The following MAP4K4 variants were observed in gnomAD, a reference collection of about 807,000 sequenced individuals.
The protein encoded by MAP4K4 is HPK/GCK-like kinase HGK.
Under a neutral mutation model 189.6 loss-of-function variants are expected in MAP4K4, and 38 were observed. The observed-to-expected ratio is 0.20, with a 90% CI of 0.15 to 0.26. The LOEUF (loss-of-function observed/expected upper bound fraction) is 0.26. MAP4K4 is among the 10% of genes least tolerant of loss of function. MAP4K4 has a pLI of 1.00. For synonymous variants in MAP4K4, 610 were observed against 624.3 expected (o/e 0.98, Z 0.34); for missense variants, 1,054 against 1,726.9 (o/e 0.61, Z 6.91).
chr2:101,832,009 T>C (rs1432156782), intron 7 of MAP4K4, among the ~76,000 whole-genome samples, 158 bp downstream of exon 7: 2 of 152,216 alleles, frequency 1.3e-5, no homozygotes, highest in Non-Finnish European at 2.9e-5. Flanking sequence ...CAGGACAGTA[T>C]TCAGATGCTG....
intron 2 of MAP4K4, among the ~76,000 whole-genome samples, chr2:101,723,438 G>GA (rs903401173): frequency 1.3e-5 from 2 of 152,230 alleles, no homozygotes; most frequent in Non-Finnish European, 2.9e-5. Context: ...TGGATAAGCA[G>GA]AGACGGTAGA....
intron 2 of MAP4K4, among the ~76,000 whole-genome samples, chr2:101,710,769 A>C (rs1045277053): frequency 6.6e-6 from 1 of 152,256 alleles, no homozygotes; most frequent in Non-Finnish European, 1.5e-5. Context: ...TAGATGAGGC[A>C]TAGATATATG....
chr2:101,821,025 G>C (rs1479081761), intron 3 of MAP4K4, among the ~76,000 whole-genome samples: 2 of 152,020 alleles, frequency 1.3e-5, no homozygotes, highest in Non-Finnish European at 2.9e-5. Flanking sequence ...TCAAATAGAA[G>C]TGTTTTGTTT....
At chr2:101,857,091 A>G in intron 13 of MAP4K4, among the ~76,000 whole-genome samples, 1 of 152,226 alleles carries the variant, frequency 6.6e-6, no homozygotes, top group African/African-American at 2.4e-5. Context: ...GTCTGCAAAG[A>G]GGAAAACATT....
At chr2:101,710,690 A>G (rs2044945692) in intron 2 of MAP4K4, among the ~76,000 whole-genome samples, 1 of 152,202 alleles carries the variant, frequency 6.6e-6, no homozygotes, top group Admixed American at 6.5e-5. Flanking sequence ...CATGACAGCT[A>G]AGTTAGAGCT....
intron 2 of MAP4K4, among the ~76,000 whole-genome samples, chr2:101,700,283 A>T (rs562574986): frequency 6.6e-6 from 1 of 152,194 alleles, no homozygotes; most frequent in South Asian, 2.1e-4. Flanking sequence ...GTTCATTGTT[A>T]TTTCCCCTCA....
At chr2:101,759,091 T>C (rs1267377920) in intron 2 of MAP4K4, among the ~76,000 whole-genome samples, 3 of 148,988 alleles carry the variant, frequency 2.0e-5, no homozygotes, top group African/African-American at 7.5e-5. Flanking sequence ...CGAGATCGCG[T>C]CACTGCACTC....
rs777090551 is a variant in MAP4K4, at chr2:101,893,246, G to A, written c.*1997G>A. ...CAGACACAGCAGCTGGTGGTTTTGT[G>A]TATACCTGTAAAGACAAGCTGAGAA... On this transcript the variant is annotated 3_prime_UTR_variant, in exon 33 of 33. Coordinates refer to ENST00000324219, the Ensembl canonical transcript of MAP4K4. The A allele has an allele frequency of 2.1e-4, 97 of 456,306 alleles. 1 individual carries two copies. Among genetic ancestry groups the A allele is most frequent in the Admixed American group, 2.1e-4 (9 of 42,560 alleles). The allele number at this position is 456,306 out of a possible 1,614,324, so 28.3% of individuals were successfully genotyped here.
intron 27 of MAP4K4, among the ~76,000 whole-genome samples, chr2:101,880,084 A>C (rs971072491): frequency 2.6e-5 from 4 of 151,804 alleles, no homozygotes; most frequent in East Asian, 1.9e-4. Context: ...TGTATTTTGG[A>C]TCTAAGTTTC....
intron 24 of MAP4K4, among the ~76,000 whole-genome samples, chr2:101,872,870 T>G (rs1322668473): frequency 6.6e-6 from 1 of 152,220 alleles, no homozygotes; most frequent in Non-Finnish European, 1.5e-5. Context: ...TATATTTATA[T>G]TTTAAACTTT....
chr2:101,770,249 T>A (rs2080693985), intron 2 of MAP4K4, among the ~76,000 whole-genome samples: 1 of 142,374 alleles, frequency 7.0e-6, no homozygotes, highest in Admixed American at 7.0e-5. Flanking sequence ...GATTTTTTTT[T>A]TTTTTTTTTT....
At chr2:101,850,348 A>G (rs1410153585) in intron 12 of MAP4K4, among the ~76,000 whole-genome samples, 1 of 152,240 alleles carries the variant, frequency 6.6e-6, no homozygotes, top group East Asian at 1.9e-4. Context: ...TAACACTAGG[A>G]AAACATAAAA....
At chr2:101,789,887 T>C (rs184096047) in intron 2 of MAP4K4, among the ~76,000 whole-genome samples, 1 of 152,244 alleles carries the variant, frequency 6.6e-6, no homozygotes, top group East Asian at 1.9e-4. Context: ...CAAGTATGTC[T>C]GGTATCTAGT....
chr2:101,706,114 A>T (rs985541077), intron 2 of MAP4K4, among the ~76,000 whole-genome samples: 5 of 152,342 alleles, frequency 3.3e-5, no homozygotes, highest in African/African-American at 1.2e-4. Flanking sequence ...TAAAGCGCTC[A>T]TACCAAAAGT....
chr2:101,773,755 T>C (rs190287992), intron 2 of MAP4K4, among the ~76,000 whole-genome samples: 28 of 152,324 alleles, frequency 1.8e-4, no homozygotes, highest in Non-Finnish European at 3.4e-4. Context: ...CTTCCCAGCC[T>C]CTGGTAACCA....
At chr2:101,842,211 G>C (rs2096939539) in intron 10 of MAP4K4, among the ~76,000 whole-genome samples, 1 of 152,094 alleles carries the variant, frequency 6.6e-6, no homozygotes, top group African/African-American at 2.4e-5. Context: ...AAATTCTCTT[G>C]GTTGCCTTAG....
chr2:101,886,580 G>A (rs764586926), intron 29 of MAP4K4, among the ~76,000 whole-genome samples: 1 of 152,190 alleles, frequency 6.6e-6, no homozygotes, highest in African/African-American at 2.4e-5. Flanking sequence ...TGGAAAGGGA[G>A]ATTTGGAACA....
At chr2:101,808,305 G>A (rs971122983) in intron 3 of MAP4K4, among the ~76,000 whole-genome samples, 4 of 152,134 alleles carry the variant, frequency 2.6e-5, no homozygotes, top group Non-Finnish European at 4.4e-5. Flanking sequence ...GGGACCCTGC[G>A]TCTTCCTTAT....
At chr2:101,785,682 C>CTTTTCATTTT (rs1558913111) in intron 2 of MAP4K4, among the ~76,000 whole-genome samples, 1 of 1,054 alleles carries the variant, frequency 9.5e-4, no homozygotes, top group African/African-American at 5.3e-3. Context: ...TTCTCCCTCT[C>CTTTTCATTTT]TCTCTCTCTC....
Sources: gnomAD v4.1 joint callset for allele counts (sites outside exome capture counted in the v4.1 genomes callset) on GRCh38, gnomAD v4.1.1 for gene constraint, MANE v1.5 for transcripts, NCBI Gene and HGNC (gene_info 2026-07-23, HGNC 2026-07-21) for gene names.